Variants in PRR12 observed in about 807,000 individuals in gnomAD.
The protein encoded by PRR12 is proline-rich protein 12.
PRR12 carries 12 observed loss-of-function variants against 138.0 expected under a neutral mutation model. The observed-to-expected ratio is 0.09, with a 90% CI of 0.06 to 0.14. The LOEUF is 0.14. PRR12 is among the 10% of genes least tolerant of loss of function. The pLI is 1.00. For missense variants in PRR12, 2,692 were observed against 2,861.3 expected (o/e 0.94, Z 1.35); for synonymous variants, 1,567 against 1,291.7 (o/e 1.21, Z -4.57).
intron 4 of PRR12, among the ~76,000 whole-genome samples, chr19:49,598,250 A>AT (rs1487506652): frequency 6.6e-6 from 1 of 151,020 alleles, no homozygotes; most frequent in South Asian, 2.1e-4. Flanking sequence ...GTTTTTTTGT[A>AT]TTTTTAGTAG....
At chr19:49,619,930 A>C (rs1599802770) in intron 9 of PRR12, among the ~76,000 whole-genome samples, 2 of 130,464 alleles carry the variant, frequency 1.5e-5, no homozygotes, top group East Asian at 4.5e-4. Flanking sequence ...ATCTTGGCTC[A>C]CTGCAACCTC....
rs1568419844 is a variant in PRR12 at position 49,591,613 on chromosome 19, T to TCCCTCCCTCC, written c.-34_-25dup. The TCCCTCCCTCC allele has an allele frequency of 4.4e-5, 5 of 114,832 alleles. No homozygotes were observed. Among genetic ancestry groups the TCCCTCCCTCC allele is most frequent in the Admixed American group, 1.6e-4 (1 of 6,090 alleles). 7.1% of individuals were successfully genotyped at this position (114,832 alleles called of 1,614,324 possible). A position where few individuals can be genotyped will look rare whatever the true frequency, so the allele number is the denominator to read the frequency against. ...AGCGCGCGCGCGCCCCCTCCCTCCCTCCCTCCCTCCCCCTCCCCCCAATTT... is the reference window on the plus strand; with the variant it reads ...AGCGCGCGCGCGCCCCCTCCCTCCCTCCCTCCCTCCCCCTCCCTCCCCCTCCCCCCAATTT... On this transcript the variant is annotated 5_prime_UTR_variant, in exon 1 of 14. Coordinates refer to ENST00000418929, the MANE Select transcript of PRR12 (RefSeq NM_020719.3).
At chr19:49,620,229 G>T (rs774681808) in intron 9 of PRR12, 123 bp from the exon 10 acceptor site, 1 of 1,322,588 alleles carries the variant, frequency 7.6e-7, no homozygotes, top group African/African-American at 1.5e-5. Flanking sequence ...CTTCCCTAGC[G>T]GACTTGGACC....
chr19:49,596,839 C>A lies in PRR12; in HGVS notation c.2504C>A (p.Pro835Gln). Reference sequence around the variant, plus strand: ...GCCACCCGCGATGGGGCACCCCAGCCACCTCCACCGCCACCCCCGCCTCCA... The same window carrying A: ...GCCACCCGCGATGGGGCACCCCAGCAACCTCCACCGCCACCCCCGCCTCCA... ...EPATRDGAPQ[P>Q]PPPPPPPPPP... Residue 835 changes from proline (P) to glutamine (Q), a missense_variant, in exon 4 of 14, where the codon CCA becomes CAA. Physicochemically the swap from Pro to Gln is moderately conservative, Grantham distance 76. Transcript: ENST00000418929. This position sits in a 1 kb window ranked among gnomAD's most constrained non-coding sequence, Gnocchi z 5.6. 1 of 1,589,758 alleles carries A rather than the reference C, an allele frequency of 6.3e-7. No homozygotes were observed. Among genetic ancestry groups the A allele is most frequent in the Non-Finnish European group, 8.5e-7 (1 of 1,174,230 alleles).
intron 1 of PRR12, among the ~76,000 whole-genome samples, chr19:49,591,986 T>C (rs1001189942): frequency 5.3e-5 from 8 of 151,830 alleles, no homozygotes; most frequent in African/African-American, 1.9e-4. Context: ...GCAAAACAAT[T>C]TCGGACGGGA....
Position 49,591,235 on chromosome 19 carries a change from G to A in PRR12, c.-420G>A, listed in dbSNP as rs1266335914. Among the ~76,000 whole-genome samples the A allele has an allele frequency of 2.0e-5, 3 of 147,062 alleles. No individual in the cohort carries two copies. Among genetic ancestry groups the A allele is most frequent in the Non-Finnish European group, 3.0e-5 (2 of 66,460 alleles). On this transcript the variant is annotated 5_prime_UTR_variant, in exon 1 of 14. Transcript: ENST00000418929. ...ATGGCTGCACCGTGAGCGCAGAGGA[G>A]GAGGAGGCGGCGGCGGCGGCGGCGA...
chr19:49,599,123 C>T lies in PRR12; in HGVS notation c.3679-149C>T, dbSNP rs1012127581. The T allele has an allele frequency of 6.6e-6, 5 of 762,060 alleles. No homozygotes were observed. Among genetic ancestry groups the T allele is most frequent in the East Asian group, 2.8e-5 (1 of 35,968 alleles). 47.2% of individuals were successfully genotyped at this position (762,060 alleles called of 1,614,324 possible). On this transcript the variant is annotated intron_variant, in intron 4 of 13. Transcript: ENST00000418929. This position sits in a 1 kb window ranked among gnomAD's most constrained non-coding sequence, Gnocchi z 5.0. Reference sequence around the variant, plus strand: ...GAGGGAGGAACTCCAGTCTTGTCCTCCTAGAATCTAAGACAAGGGGTCTGC... The same window carrying T: ...GAGGGAGGAACTCCAGTCTTGTCCTTCTAGAATCTAAGACAAGGGGTCTGC...
At position 49,599,245 on chromosome 19, in the gene PRR12, C is replaced by T. The variant is rs745636558; in HGVS notation, c.3679-27C>T. 10 of 1,533,002 alleles carry T rather than the reference C, an allele frequency of 6.5e-6. No homozygotes were observed. Among genetic ancestry groups the T allele is most frequent in the Non-Finnish European group, 8.8e-6 (10 of 1,142,660 alleles). The allele number at this position is 1,533,002 out of a possible 1,614,324, so 95.0% of individuals were successfully genotyped here. ...GACTGGGGGCCCAGGCTACTGGGCC[C>T]TCACGGCCCGCCACTCCCATGTCTA... On this transcript the variant is annotated intron_variant, in intron 4 of 13. Transcript: ENST00000418929. This position sits in a 1 kb window ranked among gnomAD's most constrained non-coding sequence, Gnocchi z 5.0.
At position 49,597,028 on chromosome 19, in the gene PRR12, G is replaced by A; in HGVS notation, c.2693G>A (p.Gly898Asp). 1 of 1,557,864 alleles carries A rather than the reference G, an allele frequency of 6.4e-7. No individual in the cohort carries two copies. The highest frequency in any genetic ancestry group is 8.7e-7 in the Non-Finnish European group (1 of 1,153,108). Residue 898 changes from glycine to aspartate, a missense_variant, in exon 4 of 14, where the codon GGC becomes GAC. Transcript: ENST00000418929. This position sits in a 1 kb window ranked among gnomAD's most constrained non-coding sequence, Gnocchi z 6.3. ...CTGCCCCCGGCGCCTGGGGATACTG[G>A]CGTAGGCCCACCAAACTCGGAGGGC... ...EPLPPAPGDT[G>D]VGPPNSEGKD... is the part of the protein sequence containing the mutation.
intron 10 of PRR12, 64 bp from the exon 11 acceptor site, chr19:49,621,461 C>T: frequency 7.6e-7 from 1 of 1,317,908 alleles, no homozygotes; most frequent in Non-Finnish European, 1.1e-6. Flanking sequence ...ACTCCATGAC[C>T]CCACCTTGGC....
At position 49,625,889 on chromosome 19, in the gene PRR12, GCCCCGACCCCCCCTCCACAGCCACAGC is replaced by G; in HGVS notation, c.*288_*314del. 4.2e-6 allele frequency: 1 copy of G among 239,046 alleles called. No individual in the cohort carries two copies. The highest frequency in any genetic ancestry group is 7.9e-6 in the Non-Finnish European group (1 of 127,192). 14.8% of individuals were successfully genotyped at this position (239,046 alleles called of 1,614,324 possible). On this transcript the variant is annotated 3_prime_UTR_variant, in exon 14 of 14. Coordinates refer to ENST00000418929, the MANE Select transcript of PRR12 (RefSeq NM_020719.3). This position sits in a 1 kb window ranked among gnomAD's most constrained non-coding sequence, Gnocchi z 5.5. ...TTAGTAACGGTTTCCCTCTCCCCTT[GCCCCGACCCCCCCTCCACAGCCACAGC>G]CCCCGCCCCCTCCACCTTGTACATA...
intron 4 of PRR12, among the ~76,000 whole-genome samples, chr19:49,598,868 T>TA (rs1319273421): frequency 6.6e-6 from 1 of 152,112 alleles, no homozygotes; most frequent in African/African-American, 2.4e-5. Flanking sequence ...GGTTGGAGCT[T>TA]ACGCTGGTTT....
chr19:49,595,696 C>A lies in PRR12; in HGVS notation c.1361C>A (p.Pro454His). ...GGTCAGCCTCAAGGGCTTCTGGGAC[C>A]CCAGGCCTACGGGCAAGGGTTTGGA... ...SPGQPQGLLG[P>H]QAYGQGFGGG... Residue 454 changes from proline (P) to histidine (H), a missense_variant, in exon 4 of 14, where the codon CCC (proline) becomes CAC (histidine). By Grantham distance (77) the Pro-to-His change is moderately conservative (BLOSUM62 -2). Transcript: ENST00000418929. The A allele has an allele frequency of 6.3e-7, 1 of 1,592,390 alleles. No homozygotes were observed. The highest frequency in any genetic ancestry group is 8.5e-7 in the Non-Finnish European group (1 of 1,169,982).
intron 11 of PRR12, chr19:49,621,906 G>GCCTGCAGCCAAACATAGACTAGT: frequency 2.2e-6 from 1 of 463,586 alleles, no homozygotes; most frequent in Non-Finnish European, 4.0e-6. Flanking sequence ...CATAGACTAG[G>GCCTGCAGCCAAACATAGACTAGT]CCTGCACCCA....
intron 10 of PRR12, among the ~76,000 whole-genome samples, chr19:49,621,008 G>A (rs1440871335): frequency 4.0e-5 from 5 of 125,314 alleles, no homozygotes; most frequent in Admixed American, 7.5e-5. Context: ...CTGGGTCTGA[G>A]GGAGGAGGGG....
At chr19:49,615,615 A>G in intron 8 of PRR12, 132 bp from the exon 9 acceptor site, 1 of 660,166 alleles carries the variant, frequency 1.5e-6, no homozygotes, top group Admixed American at 3.2e-5. Context: ...AGGGAGGGGA[A>G]CAGAGACCAG....
chr19:49,599,057 G>GT lies in PRR12; in HGVS notation c.3679-214dup, dbSNP rs1053752527. 4.1e-4 allele frequency among the ~76,000 whole-genome samples: 53 copies of GT among 128,318 alleles called. No homozygotes were observed. The highest frequency in any genetic ancestry group is 1.9e-3 in the African/African-American group (50 of 25,880). 84.2% of individuals were successfully genotyped at this position (128,318 alleles called of 152,430 possible). ...CGGGTCTAGGGACCTGAACTGGGCTGTAAGTGAAGAGGCTCAGTGAGTCCA... is the reference window on the plus strand; with the variant it reads ...CGGGTCTAGGGACCTGAACTGGGCTGTTAAGTGAAGAGGCTCAGTGAGTCCA... On this transcript the variant is annotated intron_variant, in intron 4 of 13. Coordinates refer to ENST00000418929, the MANE Select transcript of PRR12 (RefSeq NM_020719.3). This position sits in a 1 kb window ranked among gnomAD's most constrained non-coding sequence, Gnocchi z 5.0.
rs2080880382 is a variant in PRR12, at chr19:49,614,234, TTA to T, written c.4774-298_4774-297del. ...AGCAGGCGGTGTTCAAAGATTGTCA[TTA>T]CTCTGAGTCACACAGGAAGTTTTGG... On this transcript the variant is annotated intron_variant, in intron 6 of 13. Transcript: ENST00000418929. The surrounding 1 kb of genome is among the most constrained non-coding windows in gnomAD (Gnocchi z 5.0). Among the ~76,000 whole-genome samples, 2 of 152,176 alleles carry T rather than the reference TTA, an allele frequency of 1.3e-5. No individual in the cohort carries two copies. The highest frequency in any genetic ancestry group is 1.3e-4 in the Admixed American group (2 of 15,266).
At chr19:49,607,144 A>T (rs2080842671) in intron 6 of PRR12, among the ~76,000 whole-genome samples, 1 of 151,900 alleles carries the variant, frequency 6.6e-6, no homozygotes. Flanking sequence ...AAAAAAAAAG[A>T]AAGAAAGAAA....
Sources: gnomAD v4.1 joint callset for allele counts (sites outside exome capture counted in the v4.1 genomes callset) on GRCh38, gnomAD v4.1.1 for gene constraint, Gnocchi (gnomAD v3.1) non-coding constraint, MANE v1.5 for transcripts, NCBI Gene and HGNC (gene_info 2026-07-23, HGNC 2026-07-21) for gene names.